The following AAMP variants were observed in gnomAD, a reference collection of about 807,000 sequenced individuals.
AAMP encodes the protein angio-associated migratory cell protein.
AAMP carries 12 observed loss-of-function variants against 51.1 expected under a neutral mutation model. The ratio of observed to expected loss-of-function variants is 0.23; its 90% CI spans 0.15 to 0.38. AAMP has a LOEUF of 0.38. AAMP is among the 10% of genes least tolerant of loss of function. The pLI, the probability that AAMP is intolerant of heterozygous loss-of-function variation, is 1.00. For missense variants in AAMP, 418 were observed against 557.2 expected (o/e 0.75, Z 2.52); for synonymous variants, 210 against 218.7 (o/e 0.96, Z 0.35).
chr2:218,264,606 T>C lies in AAMP; in HGVS notation c.1232A>G (p.Asp411Gly). Residue 411 changes from aspartate to glycine, a missense_variant and splice_region_variant, in exon 11 of 11, where the codon GAT (aspartate) becomes GGT (glycine). Transcript: ENST00000248450. Reference sequence around the variant, plus strand: ...TGACGTGGTCACCACCAGGGAGGCATCTCTGTAAACAGAAAGCATGTGATT... The same window carrying C: ...TGACGTGGTCACCACCAGGGAGGCACCTCTGTAAACAGAAAGCATGTGATT... ...AEILDFALSKDASLVVTTSGD... is the reference protein window; with the variant it reads ...AEILDFALSKGASLVVTTSGD... 1 of 1,614,012 alleles carries C rather than the reference T, an allele frequency of 6.2e-7. No individual in the cohort carries two copies. The highest frequency in any genetic ancestry group is 8.5e-7 in the Non-Finnish European group (1 of 1,179,882).
chr2:218,265,180 C>A lies in AAMP; in HGVS notation c.1075-6G>T. ...AGCAGCTGCACGATGCCCGACTGCC[C>A]CGAGGAATGACAGAGGCAGGGCGGA... is the stretch of plus-strand genomic sequence containing the variant. On this transcript the variant is annotated splice_polypyrimidine_tract_variant and splice_region_variant and intron_variant, in intron 9 of 10. Coordinates refer to ENST00000248450, the MANE Select transcript of AAMP (RefSeq NM_001087.5). This position sits in a 1 kb window ranked among gnomAD's most constrained non-coding sequence, Gnocchi z 6.6. 6.3e-7 allele frequency: 1 copy of A among 1,578,292 alleles called. No homozygotes were observed.
Position 218,269,492 on chromosome 2 carries a change from T to A in AAMP, c.164A>T (p.Glu55Val). The A allele has an allele frequency of 6.2e-7, 1 of 1,614,178 alleles. No individual in the cohort carries two copies. Among genetic ancestry groups the A allele is most frequent in the Non-Finnish European group, 8.5e-7 (1 of 1,180,038 alleles). ...QEMEDVDFEEEEEEEGNEEGW... is the reference protein window; with the variant it reads ...QEMEDVDFEEVEEEEGNEEGW... Reference sequence around the variant, plus strand: ...CTCTTCGTTGCCCTCTTCCTCCTCTTCTTCCTCAAAGTCCACATCTTCCAT... The same window carrying A: ...CTCTTCGTTGCCCTCTTCCTCCTCTACTTCCTCAAAGTCCACATCTTCCAT... The change falls in exon 2 of 11, where the codon GAA becomes GTA. Residue 55 changes from glutamate to valine, a missense_variant. By Grantham distance (121) the Glu-to-Val change is moderately radical. Transcript: ENST00000248450.
At position 218,265,482 on chromosome 2, in the gene AAMP, T is replaced by C. The variant is rs746787684; in HGVS notation, c.984-21A>G. 8 of 1,575,098 alleles carry C rather than the reference T, an allele frequency of 5.1e-6. No individual in the cohort carries two copies. In the East Asian group the frequency reaches 9.2e-5, roughly 18 times the overall value. ...GCATCCTGGCCAGAGGAGCGTACCA[T>C]GAAGACTCATGAGGGCCTGGACTCA... On this transcript the variant is annotated intron_variant, in intron 8 of 10. Coordinates refer to ENST00000248450, the MANE Select transcript of AAMP (RefSeq NM_001087.5). This position sits in a 1 kb window ranked among gnomAD's most constrained non-coding sequence, Gnocchi z 6.6.
Position 218,266,190 on chromosome 2 carries a change from A to G in AAMP, c.680-43T>C. On this transcript the variant is annotated intron_variant, in intron 5 of 10. Transcript: ENST00000248450. This position sits in a 1 kb window ranked among gnomAD's most constrained non-coding sequence, Gnocchi z 4.7. ...TGAAGAGAGGGCAGAGGGCACGCTCACATACACTAAGCAAGGGAATGGGGA... is the reference window on the plus strand; with the variant it reads ...TGAAGAGAGGGCAGAGGGCACGCTCGCATACACTAAGCAAGGGAATGGGGA... 6.4e-7 allele frequency: 1 copy of G among 1,557,506 alleles called. No individual in the cohort carries two copies.
chr2:218,265,103 C>A lies in AAMP; in HGVS notation c.1146G>T (p.Val382=). 1 of 1,612,924 alleles carries A rather than the reference C, an allele frequency of 6.2e-7. No individual in the cohort carries two copies. Among genetic ancestry groups the A allele is most frequent in the South Asian group, 1.1e-5 (1 of 90,980 alleles). ...GGCCGGTCCGGGCGTCCCAGAGGCG[C>A]ACGATGCCATCCAGGCTGCAGGTAT... ...VVYTCSLDGI[V]RLWDARTGRL... Residue 382 remains valine, a synonymous_variant, in exon 10 of 11, where the codon GTG becomes GTT. Transcript: ENST00000248450. This position sits in a 1 kb window ranked among gnomAD's most constrained non-coding sequence, Gnocchi z 6.6.
chr2:218,266,032 G>T lies in AAMP; in HGVS notation c.763+32C>A. 1 of 1,611,768 alleles carries T rather than the reference G, an allele frequency of 6.2e-7. No individual in the cohort carries two copies. The highest frequency in any genetic ancestry group is 8.5e-7 in the Non-Finnish European group (1 of 1,177,914). ...AGGTTCTCAGCCCCTCCCTACAAAG[G>T]CCCAGGCTAACACTTCCCCCACCTC... On this transcript the variant is annotated intron_variant, in intron 6 of 10. Transcript: ENST00000248450. The surrounding 1 kb of genome is among the most constrained non-coding windows in gnomAD (Gnocchi z 4.7).
rs762611900 is a variant in AAMP, at chr2:218,266,198, T to G, written c.680-51A>C. Reference sequence around the variant, plus strand: ...GGGCAGAGGGCACGCTCACATACACTAAGCAAGGGAATGGGGAGAGGGAGA... The same window carrying G: ...GGGCAGAGGGCACGCTCACATACACGAAGCAAGGGAATGGGGAGAGGGAGA... On this transcript the variant is annotated intron_variant, in intron 5 of 10. Transcript: ENST00000248450. This position sits in a 1 kb window ranked among gnomAD's most constrained non-coding sequence, Gnocchi z 4.7. The G allele has an allele frequency of 4.6e-6, 7 of 1,531,122 alleles. No individual in the cohort carries two copies. The highest frequency in any genetic ancestry group is 6.3e-6 in the Non-Finnish European group (7 of 1,105,690). The allele number at this position is 1,531,122 out of a possible 1,614,324, so 94.8% of individuals were successfully genotyped here. A position where few individuals can be genotyped will look rare whatever the true frequency, so the allele number is the denominator to read the frequency against.
chr2:218,265,148 C>T lies in AAMP; in HGVS notation c.1101G>A (p.Glu367=). 1 of 1,596,798 alleles carries T rather than the reference C, an allele frequency of 6.3e-7. No individual in the cohort carries two copies. The highest frequency in any genetic ancestry group is 1.3e-5 in the African/African-American group (1 of 74,672). ...AGGTATATACCACGGCAGTGCCTGC[C>T]TCCCACAGCAGCTGCACGATGCCCG... is the stretch of plus-strand genomic sequence containing the variant. ...HQSGIVQLLW[E]AGTAVVYTCS... Residue 367 remains glutamate (E), a synonymous_variant, in exon 10 of 11, where the codon GAG becomes GAA. Transcript: ENST00000248450. The surrounding 1 kb of genome is among the most constrained non-coding windows in gnomAD (Gnocchi z 6.6).
In AAMP at chr2:218,266,472, G is replaced by T; in HGVS notation, c.650C>A (p.Pro217Gln). The stretch of plus-strand genomic sequence containing the variant: ...AGGGAGGACTCGGCCACAGGTGGCT[G>T]GGCAGTTGGGACCCTGGAAGGTCTT... Reference protein sequence around the residue: ...DCKTFQGPNCPATCGRVLPDG... With the variant: ...DCKTFQGPNCQATCGRVLPDG... Residue 217 changes from proline to glutamine, a missense_variant, in exon 5 of 11, where the codon CCA becomes CAA. Coordinates refer to ENST00000248450, the MANE Select transcript of AAMP (RefSeq NM_001087.5). This position sits in a 1 kb window ranked among gnomAD's most constrained non-coding sequence, Gnocchi z 4.7. 1 of 1,614,084 alleles carries T rather than the reference G, an allele frequency of 6.2e-7. No homozygotes were observed. Among genetic ancestry groups the T allele is most frequent in the Non-Finnish European group, 8.5e-7 (1 of 1,179,972 alleles).
Position 218,266,829 on chromosome 2 carries a change from C to T in AAMP, c.534+18G>A, listed in dbSNP as rs765457931. 8.1e-6 allele frequency: 13 copies of T among 1,613,654 alleles called. No individual in the cohort carries two copies. Among genetic ancestry groups the T allele is most frequent in the South Asian group, 1.1e-5 (1 of 91,044 alleles). ...ACCCAAGGCCCCACAGAGCTGACTC[C>T]CGCTCTGATGATCTTACCTCCAGGT... is the stretch of plus-strand genomic sequence containing the variant. On this transcript the variant is annotated intron_variant, in intron 4 of 10. Coordinates refer to ENST00000248450, the MANE Select transcript of AAMP (RefSeq NM_001087.5). The surrounding 1 kb of genome is among the most constrained non-coding windows in gnomAD (Gnocchi z 4.7).
chr2:218,268,479 C>T (rs962598008), intron 2 of AAMP, among the ~76,000 whole-genome samples: 1 of 152,078 alleles, frequency 6.6e-6, no homozygotes, highest in Non-Finnish European at 1.5e-5. Flanking sequence ...GCTGGGATTA[C>T]AGGCACATGC....
At position 218,265,843 on chromosome 2, in the gene AAMP, G is replaced by A. The variant is rs1690614490; in HGVS notation, c.867C>T (p.Ala289=). 6.2e-7 allele frequency: 1 copy of A among 1,612,524 alleles called. No homozygotes were observed. Among genetic ancestry groups the A allele is most frequent in the Non-Finnish European group, 8.5e-7 (1 of 1,179,186 alleles). ...SVDCQAKLVS[A]TTGKVVGVFR... ...CAGGTCCACTCACCTTGCCGGTGGT[G>A]GCACTGACCAGCTTGGCCTGGCAGT... The change falls in exon 7 of 11, where the codon GCC becomes GCT. Residue 289 remains alanine (A), a synonymous_variant. Transcript: ENST00000248450. The surrounding 1 kb of genome is among the most constrained non-coding windows in gnomAD (Gnocchi z 6.6).
Position 218,269,418 on chromosome 2 carries a change from GGCCCTCCAT to G in AAMP, c.229_237del (p.Met77_Gly79del). The G allele has an allele frequency of 3.7e-6, 6 of 1,614,150 alleles. No individual in the cohort carries two copies. Among genetic ancestry groups the G allele is most frequent in the Non-Finnish European group, 5.1e-6 (6 of 1,180,028 alleles). ...GCAAAGGTGACCTCGCTATCGTCGG[GGCCCTCCAT>G]GCTGCCGACCACCCCTTCCTGGGGT... On this transcript the variant is annotated inframe_deletion, in exon 2 of 11. Coordinates refer to ENST00000248450, the MANE Select transcript of AAMP (RefSeq NM_001087.5).
chr2:218,266,127 AGC>A lies in AAMP; in HGVS notation c.698_699del (p.Gly233ValfsTer2). ...CAAATCCTGATGGTCCCATCTTCAT[AGC>A]CTACCACAGCTCTCTTCCCTGAAGA... ...VLPDGKRAVV[G>X]YEDGTIRIWD... On this transcript the variant is annotated frameshift_variant, in exon 6 of 11. Transcript: ENST00000248450. LOFTEE classifies it high-confidence loss of function. This position sits in a 1 kb window ranked among gnomAD's most constrained non-coding sequence, Gnocchi z 4.7. 1 of 1,614,110 alleles carries A rather than the reference AGC, an allele frequency of 6.2e-7. No homozygotes were observed.
Position 218,264,269 on chromosome 2 carries a change from C to G in AAMP, c.*264G>C. On this transcript the variant is annotated 3_prime_UTR_variant, in exon 11 of 11. Coordinates refer to ENST00000248450, the MANE Select transcript of AAMP (RefSeq NM_001087.5). ...ACATACAAATACACACCCCATGGCTCACACCAGCAAATGAAAGTGAAAGAG... is the reference window on the plus strand; with the variant it reads ...ACATACAAATACACACCCCATGGCTGACACCAGCAAATGAAAGTGAAAGAG... The G allele has an allele frequency of 3.8e-6, 2 of 528,514 alleles. No homozygotes were observed. Among genetic ancestry groups the G allele is most frequent in the Non-Finnish European group, 6.8e-6 (2 of 294,124 alleles). 32.7% of individuals were successfully genotyped at this position (528,514 alleles called of 1,614,324 possible). A position where few individuals can be genotyped will look rare whatever the true frequency, so the allele number is the denominator to read the frequency against.
Position 218,264,580 on chromosome 2 carries a change from CTGACG to C in AAMP, c.1253_1257del (p.Thr418ArgfsTer14). 1 of 1,614,170 alleles carries C rather than the reference CTGACG, an allele frequency of 6.2e-7. No homozygotes were observed. Among genetic ancestry groups the C allele is most frequent in the Non-Finnish European group, 8.5e-7 (1 of 1,179,998 alleles). ...CAAAATACTTTCGCTTTGTGGTCTC[CTGACG>C]TGGTCACCACCAGGGAGGCATCTCT... On this transcript the variant is annotated frameshift_variant, in exon 11 of 11. Transcript: ENST00000248450. LOFTEE classifies it high-confidence loss of function.
chr2:218,264,149 T>C lies in AAMP; in HGVS notation c.*384A>G, dbSNP rs1690557632. On this transcript the variant is annotated 3_prime_UTR_variant, in exon 11 of 11. Transcript: ENST00000248450. ...CTGTCTCTGGGAAGTATATTTTATT[T>C]ACATTTTTAAAATCTTTAACTAGTA... 2 of 332,596 alleles carry C rather than the reference T, an allele frequency of 6.0e-6. No individual in the cohort carries two copies. The highest frequency in any genetic ancestry group is 2.1e-5 in the African/African-American group (1 of 48,326). 20.6% of individuals were successfully genotyped at this position (332,596 alleles called of 1,614,324 possible). A position where few individuals can be genotyped will look rare whatever the true frequency, so the allele number is the denominator to read the frequency against.
Position 218,266,807 on chromosome 2 carries a change from C to T in AAMP, c.534+40G>A, listed in dbSNP as rs1690641030. On this transcript the variant is annotated intron_variant, in intron 4 of 10. Coordinates refer to ENST00000248450, the MANE Select transcript of AAMP (RefSeq NM_001087.5). The surrounding 1 kb of genome is among the most constrained non-coding windows in gnomAD (Gnocchi z 4.7). ...TCCCAAGCTTGCACCCCCAACAACC[C>T]AAGGCCCCACAGAGCTGACTCCCGC... The T allele has an allele frequency of 1.9e-6, 3 of 1,611,344 alleles. No homozygotes were observed. The highest frequency in any genetic ancestry group is 1.7e-5 in the Admixed American group (1 of 59,940).
At position 218,267,607 on chromosome 2, in the gene AAMP, A is replaced by G; in HGVS notation, c.281T>C (p.Val94Ala). 6.2e-7 allele frequency: 1 copy of G among 1,614,064 alleles called. No individual in the cohort carries two copies. Among genetic ancestry groups the G allele is most frequent in the Non-Finnish European group, 8.5e-7 (1 of 1,180,002 alleles). ...CTTGGGGTCCAGGCTCACACAAAACACAGATGCTGTCCCAAGAGATATTCC... is the reference window on the plus strand; with the variant it reads ...CTTGGGGTCCAGGCTCACACAAAACGCAGATGCTGTCCCAAGAGATATTCC... The part of the protein sequence containing the change: ...EVTFALHSAS[V>A]FCVSLDPKTN... The change falls in exon 3 of 11, where the codon GTG (valine) becomes GCG (alanine). Residue 94 changes from valine (V) to alanine (A), a missense_variant. Val to Ala is a moderately conservative substitution (Grantham distance 64). Coordinates refer to ENST00000248450, the MANE Select transcript of AAMP (RefSeq NM_001087.5). The surrounding 1 kb of genome is among the most constrained non-coding windows in gnomAD (Gnocchi z 4.6).
Sources: gnomAD v4.1 joint callset for allele counts (sites outside exome capture counted in the v4.1 genomes callset) on GRCh38, gnomAD v4.1.1 for gene constraint, Gnocchi (gnomAD v3.1) non-coding constraint, MANE v1.5 for transcripts, NCBI Gene and HGNC (gene_info 2026-07-23, HGNC 2026-07-21) for gene names.